CSMD1: variants seen among roughly 807,000 people sequenced by gnomAD.
CSMD1 encodes the protein CUB and Sushi multiple domains 1.
Under a neutral mutation model 417.5 loss-of-function variants are expected in CSMD1, and 213 were observed. The observed-to-expected ratio is 0.51, with a 90% CI of 0.46 to 0.57. CSMD1 has a LOEUF of 0.57. Among genes scored for constraint, CSMD1 ranks in the 20% least tolerant of loss-of-function variants. The pLI is 0.00. For missense variants in CSMD1, 6,923 were observed against 4,529.7 expected, an observed-to-expected ratio of 1.53 and a Z score of -15.17; for synonymous variants, 2,862 against 1,736.8, an observed-to-expected ratio of 1.65 and a Z score of -16.11.
intron 26 of CSMD1, among the ~76,000 whole-genome samples, chr8:3,265,329 G>C (rs959106038): frequency 6.6e-6 from 1 of 152,200 alleles, no homozygotes; most frequent in Non-Finnish European, 1.5e-5. Flanking sequence ...AAGTATGTAT[G>C]ACCTGTGCAC....
intron 4 of CSMD1, 44 bp from the exon 5 acceptor site, chr8:3,998,154 G>A (rs1226722875): frequency 2.7e-6 from 4 of 1,504,502 alleles, no homozygotes; most frequent in Non-Finnish European, 3.6e-6. Context: ...TTTCAGGATG[G>A]TTTTCATACA....
chr8:4,796,493 C>T (rs565045392), intron 1 of CSMD1, among the ~76,000 whole-genome samples: 7 of 152,094 alleles, frequency 4.6e-5, no homozygotes, highest in East Asian at 3.9e-4. Context: ...GTTTTACCAC[C>T]GAGAATGGTC....
chr8:3,499,775 G>T (rs772424626), intron 10 of CSMD1, among the ~76,000 whole-genome samples: 1 of 151,978 alleles, frequency 6.6e-6, no homozygotes, highest in Admixed American at 6.5e-5. Flanking sequence ...CTTCTCCTTG[G>T]CTGTGGTGGG....
intron 3 of CSMD1, among the ~76,000 whole-genome samples, chr8:4,068,403 G>A (rs1799370935): frequency 6.6e-6 from 1 of 152,128 alleles, no homozygotes; most frequent in Non-Finnish European, 1.5e-5. Context: ...TTTCACACTG[G>A]GGAGAGACAT....
At chr8:4,041,007 TTTTTTTTTC>T (rs1563352814) in intron 3 of CSMD1, among the ~76,000 whole-genome samples, 19 of 137,754 alleles carry the variant, frequency 1.4e-4, no homozygotes, top group African/African-American at 1.1e-4. Flanking sequence ...TTTCTTTCTT[TTTTTTTTTC>T]CTTTTTTTTT....
At chr8:3,502,131 G>A (rs1796627030) in intron 10 of CSMD1, among the ~76,000 whole-genome samples, 2 of 152,106 alleles carry the variant, frequency 1.3e-5, no homozygotes, top group African/African-American at 2.4e-5. Context: ...TTGGAAGGCT[G>A]AGGCTGGCAG....
intron 3 of CSMD1, among the ~76,000 whole-genome samples, chr8:4,194,448 G>A (rs900012668): frequency 6.6e-6 from 1 of 152,092 alleles, no homozygotes; most frequent in Non-Finnish European, 1.5e-5. Context: ...TGGTGACAAA[G>A]GCCTGAATTA....
chr8:3,779,795 C>T (rs185897659), intron 5 of CSMD1, among the ~76,000 whole-genome samples: 1 of 152,110 alleles, frequency 6.6e-6, no homozygotes, highest in South Asian at 2.1e-4. Context: ...AGATTAACAT[C>T]CAGAAATATT....
At chr8:3,315,012 G>C (rs1473639008) in intron 23 of CSMD1, among the ~76,000 whole-genome samples, 1 of 152,104 alleles carries the variant, frequency 6.6e-6, no homozygotes, top group Non-Finnish European at 1.5e-5. Context: ...GGTCATTTTT[G>C]AATCTCTGAT....
At chr8:4,650,299 G>C (rs7008949) in intron 1 of CSMD1, among the ~76,000 whole-genome samples, 5 of 142,022 alleles carry the variant, frequency 3.5e-5, no homozygotes, top group East Asian at 2.0e-4. Context: ...GAGCCTAGAT[G>C]GTGCCACTGC....
chr8:3,057,549 T>C (rs1307049659), intron 49 of CSMD1, among the ~76,000 whole-genome samples: 1 of 95,512 alleles, frequency 1.0e-5, no homozygotes, highest in Non-Finnish European at 2.4e-5. Flanking sequence ...TCTTATTTTA[T>C]ACATGATTTT....
chr8:4,973,348 C>T (rs1038216856), intron 1 of CSMD1, among the ~76,000 whole-genome samples: 1 of 152,156 alleles, frequency 6.6e-6, no homozygotes, highest in Non-Finnish European at 1.5e-5. Flanking sequence ...ATTGAACAAA[C>T]ATTTGAAATC....
At chr8:2,942,342 T>A (rs1418240168) in intron 69 of CSMD1, 130 bp downstream of exon 69, 104 of 710,858 alleles carry the variant, frequency 1.5e-4, no homozygotes, top group Non-Finnish European at 1.8e-4. Context: ...AAAGTTGATT[T>A]AAAAAAAAAA....
At chr8:3,340,355 T>C (rs943280697) in intron 23 of CSMD1, among the ~76,000 whole-genome samples, 2 of 152,300 alleles carry the variant, frequency 1.3e-5, no homozygotes, top group South Asian at 2.1e-4. Context: ...GATAAAGAAA[T>C]ATTGTTTGTA....
At chr8:3,484,526 G>A (rs1033119009) in intron 11 of CSMD1, among the ~76,000 whole-genome samples, 1 of 152,178 alleles carries the variant, frequency 6.6e-6, no homozygotes, top group African/African-American at 2.4e-5. Context: ...AGTACAGCTA[G>A]GCAAAGAATC....
rs765253562 is a variant in CSMD1 at position 2,965,914 on chromosome 8, G to A, written c.9141C>T (p.Ile3047=). The A allele has an allele frequency of 2.5e-6, 4 of 1,609,834 alleles. No individual in the cohort carries two copies. Among genetic ancestry groups the A allele is most frequent in the Non-Finnish European group, 3.4e-6 (4 of 1,178,130 alleles). The change falls in exon 59 of 70, where the codon ATC becomes ATT. Residue 3047 remains isoleucine, a synonymous_variant. Coordinates refer to ENST00000635120, the MANE Select transcript of CSMD1 (RefSeq NM_033225.6). ...CGDPGTLANG[I]QFGTDFTFNK... ...TGAAGGTGAAGTCGGTCCCAAACTGGATGCCATTTGCTAGTGTGCCTGGAT... is the reference window on the plus strand; with the variant it reads ...TGAAGGTGAAGTCGGTCCCAAACTGAATGCCATTTGCTAGTGTGCCTGGAT...
intron 1 of CSMD1, among the ~76,000 whole-genome samples, chr8:4,966,691 T>A (rs2117360616): frequency 6.6e-6 from 1 of 152,314 alleles, no homozygotes; most frequent in East Asian, 1.9e-4. Context: ...TTCACTCAAA[T>A]TATCCTTCTA....
chr8:4,863,880 T>C (rs1198236020), intron 1 of CSMD1, among the ~76,000 whole-genome samples: 3 of 152,026 alleles, frequency 2.0e-5, no homozygotes, highest in Non-Finnish European at 2.9e-5. Flanking sequence ...CTTCACAAAA[T>C]TGTATAAATT....
At chr8:4,836,673 T>A (rs1412610541) in intron 1 of CSMD1, among the ~76,000 whole-genome samples, 3 of 152,160 alleles carry the variant, frequency 2.0e-5, no homozygotes. Context: ...AAATTTTAGT[T>A]TTTTATTCAT....
Sources: gnomAD v4.1 joint callset for allele counts (sites outside exome capture counted in the v4.1 genomes callset) on GRCh38, gnomAD v4.1.1 for gene constraint, MANE v1.5 for transcripts, NCBI Gene and HGNC (gene_info 2026-07-23, HGNC 2026-07-21) for gene names.